The following VPS54 variants were observed in gnomAD, a reference collection of about 807,000 sequenced individuals.
The protein encoded by VPS54 is VPS54 subunit of GARP complex.
Under a neutral mutation model 121.5 loss-of-function variants are expected in VPS54, and 45 were observed. The ratio of observed to expected loss-of-function variants is 0.37; its 90% CI spans 0.29 to 0.47. The LOEUF is 0.47. Ranked by LOEUF, VPS54 falls within the 20% of genes least tolerant of loss-of-function variation. The pLI is 0.99. For missense variants in VPS54, 1,090 were observed against 1,131.4 expected, an observed-to-expected ratio of 0.96 and a Z score of 0.52; for synonymous variants, 371 against 385.8, an observed-to-expected ratio of 0.96 and a Z score of 0.45.
At chr2:64,014,777 T>C (rs1678601210) in intron 1 of VPS54, among the ~76,000 whole-genome samples, 1 of 152,314 alleles carries the variant, frequency 6.6e-6, no homozygotes, top group Non-Finnish European at 1.5e-5. Flanking sequence ...TTGTAATACA[T>C]GGATTATCAC....
intron 12 of VPS54, among the ~76,000 whole-genome samples, chr2:63,932,389 C>T (rs1480411844): frequency 2.0e-5 from 3 of 152,122 alleles, no homozygotes; most frequent in Non-Finnish European, 4.4e-5. Context: ...CCATCATTCT[C>T]AGCAAACTAT....
chr2:63,951,600 G>A lies in VPS54; in HGVS notation c.1011-2437C>T, dbSNP rs151121098. Reference sequence around the variant, plus strand: ...CTGCAGTTATGATTTAATACTGCATGAGTGGGGCCATATACAGTCTGTGTG... The same window carrying A: ...CTGCAGTTATGATTTAATACTGCATAAGTGGGGCCATATACAGTCTGTGTG... On this transcript the variant is annotated intron_variant, in intron 7 of 22. Transcript: ENST00000272322. Among the ~76,000 whole-genome samples the A allele has an allele frequency of 1.0e-3, 156 of 152,202 alleles. 1 individual carries two copies. The East Asian group carries it at 0.012, about 12-fold the overall frequency.
chr2:63,894,089 G>C (rs566696635), intron 22 of VPS54, among the ~76,000 whole-genome samples: 6 of 152,110 alleles, frequency 3.9e-5, no homozygotes, highest in Non-Finnish European at 7.4e-5. Context: ...AATGGTAAAC[G>C]TCAGGAAAAT....
chr2:64,017,114 G>A (rs188605912), intron 1 of VPS54, among the ~76,000 whole-genome samples: 1,801 of 150,930 alleles, frequency 0.012, 16 homozygotes, highest in Non-Finnish European at 0.014. Context: ...GGCCGAGGCC[G>A]GTGGATCACA....
At chr2:64,004,126 T>C (rs1318545201) in intron 1 of VPS54, among the ~76,000 whole-genome samples, 1 of 150,138 alleles carries the variant, frequency 6.7e-6, no homozygotes, top group African/African-American at 2.5e-5. Context: ...TTAAAAGTAA[T>C]AGAGTATAAC....
At chr2:63,955,108 G>A (rs13427671) in intron 7 of VPS54, among the ~76,000 whole-genome samples, 220 of 152,038 alleles carry the variant, frequency 1.4e-3, no homozygotes, top group African/African-American at 4.8e-3. Context: ...AAATATTTAT[G>A]AATGAAACAA....
At chr2:63,903,669 T>C (rs1413458395) in intron 20 of VPS54, among the ~76,000 whole-genome samples, 1 of 152,116 alleles carries the variant, frequency 6.6e-6, no homozygotes, top group Non-Finnish European at 1.5e-5. Flanking sequence ...ATAAAGTTCT[T>C]ACACAATCAG....
chr2:64,007,794 C>A (rs1249588853), intron 1 of VPS54, among the ~76,000 whole-genome samples: 1 of 152,102 alleles, frequency 6.6e-6, no homozygotes, highest in Non-Finnish European at 1.5e-5. Flanking sequence ...TCAGAAATAC[C>A]ATCCTTACAC....
chr2:63,980,608 G>A (rs1161714825), intron 3 of VPS54, among the ~76,000 whole-genome samples: 1 of 151,644 alleles, frequency 6.6e-6, no homozygotes, highest in Non-Finnish European at 1.5e-5. Context: ...GTTGCTTTAG[G>A]GTTTATTGTT....
rs144679102 is a variant in VPS54 at position 63,893,529 on chromosome 2, G to T, written c.2835C>A (p.Val945=). 4 of 1,612,180 alleles carry T rather than the reference G, an allele frequency of 2.5e-6. No homozygotes were observed. In the African/African-American group the frequency reaches 5.4e-5, roughly 22 times the overall value. ...INDGGPQNGL[V]TADVAFYTGN... ...CAGTGTAAAAAGCTACATCTGCTGT[G>T]ACCAACCTAAATAATGGAGAGAAAA... is the stretch of plus-strand genomic sequence containing the variant. Residue 945 remains valine, a synonymous_variant, in exon 23 of 23, where the codon GTC becomes GTA. Transcript: ENST00000272322.
At chr2:63,939,092 A>C (rs772243274) in intron 11 of VPS54, among the ~76,000 whole-genome samples, 4 of 152,154 alleles carry the variant, frequency 2.6e-5, no homozygotes, top group Non-Finnish European at 4.4e-5. Context: ...TGTACCCTTT[A>C]ATTTCTTTTA....
chr2:63,986,510 T>C (rs1252176654), intron 1 of VPS54, among the ~76,000 whole-genome samples: 3 of 152,242 alleles, frequency 2.0e-5, no homozygotes, highest in African/African-American at 7.2e-5. Flanking sequence ...CATTCGTCTG[T>C]TGATGGACAT....
intron 20 of VPS54, among the ~76,000 whole-genome samples, chr2:63,904,600 T>TA (rs1308267183): frequency 6.6e-6 from 1 of 151,906 alleles, no homozygotes; most frequent in Non-Finnish European, 1.5e-5. Context: ...ACAATTACAG[T>TA]AAAAAACTTC....
chr2:63,907,240 C>T (rs1266925334), intron 20 of VPS54, among the ~76,000 whole-genome samples: 5 of 151,978 alleles, frequency 3.3e-5, no homozygotes, highest in Non-Finnish European at 5.9e-5. Flanking sequence ...ATTTCTTGGC[C>T]GGACGCAGTG....
chr2:63,920,437 T>C lies in VPS54; in HGVS notation c.2051+9A>G. ...AAATCAAACAACAGAATGGACATGG[T>C]GATGATACCTGAGCTTGGTTTTTCT... On this transcript the variant is annotated intron_variant, in intron 14 of 22. Coordinates refer to ENST00000272322, the MANE Select transcript of VPS54 (RefSeq NM_016516.3). 1 of 1,494,656 alleles carries C rather than the reference T, an allele frequency of 6.7e-7. No individual in the cohort carries two copies. Among genetic ancestry groups the C allele is most frequent in the South Asian group, 1.4e-5 (1 of 70,378 alleles). The allele number at this position is 1,494,656 out of a possible 1,614,324, so 92.6% of individuals were successfully genotyped here.
intron 12 of VPS54, among the ~76,000 whole-genome samples, chr2:63,933,327 C>A (rs1408502327): frequency 1.3e-5 from 2 of 152,064 alleles, no homozygotes; most frequent in Non-Finnish European, 2.9e-5. Flanking sequence ...ATGACCAAAG[C>A]AAAAACTGAC....
At chr2:63,959,130 G>A (rs73935030) in intron 7 of VPS54, among the ~76,000 whole-genome samples, 4,686 of 152,096 alleles carry the variant, frequency 0.031, 241 homozygotes, top group African/African-American at 0.11. Flanking sequence ...AAAGTTAAAT[G>A]GTCTTAAAAA....
chr2:63,909,818 G>A (rs1400433934), intron 20 of VPS54, among the ~76,000 whole-genome samples: 4 of 148,632 alleles, frequency 2.7e-5, no homozygotes, highest in Non-Finnish European at 5.9e-5. Flanking sequence ...TCTGCTTCCT[G>A]AGTTCAAGCA....
intron 7 of VPS54, among the ~76,000 whole-genome samples, chr2:63,961,792 A>G (rs1329622890): frequency 1.3e-5 from 2 of 152,178 alleles, no homozygotes; most frequent in African/African-American, 4.8e-5. Flanking sequence ...CAAAATGTTA[A>G]TGTTGTGACT....
Sources: allele counts gnomAD v4.1 joint callset (sites outside exome capture counted in the v4.1 genomes callset), GRCh38; gene constraint gnomAD v4.1.1; transcripts MANE v1.5; gene names NCBI Gene and HGNC (gene_info 2026-07-23, HGNC 2026-07-21).